Variants in SYNE1 observed in about 807,000 individuals in gnomAD.
The protein encoded by SYNE1 is nesprin-1.
In SYNE1, 616 loss-of-function variants were observed where a neutral mutation model predicts 1,111.0. That is an observed-to-expected ratio of 0.55 (90% confidence interval 0.52 to 0.59). The LOEUF (loss-of-function observed/expected upper bound fraction) is 0.59. SYNE1 is among the 20% of genes least tolerant of loss of function. SYNE1 has a pLI of 0.00. For synonymous variants in SYNE1, 3,855 were observed against 3,825.8 expected, an observed-to-expected ratio of 1.01 and a Z score of -0.28; for missense variants, 10,006 against 10,417.0, an observed-to-expected ratio of 0.96 and a Z score of 1.72.
chr6:152,446,388 A>C (rs1229602341), intron 29 of SYNE1, among the ~76,000 whole-genome samples: 2 of 152,136 alleles, frequency 1.3e-5, no homozygotes, highest in Admixed American at 1.3e-4. Flanking sequence ...ATTTGTCAAA[A>C]ACTCATAGGG....
rs376339656 is a variant in SYNE1 at position 152,278,776 on chromosome 6, G to GT, written c.18382-497dup. Among the ~76,000 whole-genome samples the GT allele has an allele frequency of 4.5e-3, 676 of 148,768 alleles. 1 individual carries two copies. The highest frequency in any genetic ancestry group is 0.014 in the Middle Eastern group (4 of 282). On this transcript the variant is annotated intron_variant, in intron 97 of 145. Transcript: ENST00000367255. ...CTGCACCTGGCCCTTTTTTGTTTTT[G>GT]TTTTTTTTTGAGGGAGGGTCTTGTT...
chr6:152,179,454 G>C (rs1258862546), intron 129 of SYNE1: 1 of 148,622 alleles, frequency 6.7e-6, no homozygotes, highest in African/African-American at 2.5e-5. Context: ...TTTCTCTCTA[G>C]TGGCTTTACC....
intron 115 of SYNE1, among the ~76,000 whole-genome samples, chr6:152,229,864 C>T (rs962962331): frequency 2.6e-5 from 4 of 151,896 alleles, no homozygotes; most frequent in South Asian, 2.1e-4. Flanking sequence ...TAGGATTATG[C>T]GTTGAACATA....
At chr6:152,449,937 G>A (rs1056963063) in intron 27 of SYNE1, among the ~76,000 whole-genome samples, 3 of 152,188 alleles carry the variant, frequency 2.0e-5, no homozygotes, top group Non-Finnish European at 4.4e-5. Flanking sequence ...GTCTGGCCTC[G>A]TGTGTCCCCA....
chr6:152,629,258 C>T (rs2099692729), intron 2 of SYNE1, among the ~76,000 whole-genome samples: 1 of 151,956 alleles, frequency 6.6e-6, no homozygotes, highest in Admixed American at 6.6e-5. Flanking sequence ...GTCATCCAGG[C>T]TGGGGTACAG....
chr6:152,255,437 C>T (rs374468937), intron 103 of SYNE1, among the ~76,000 whole-genome samples, 154 bp downstream of exon 103: 4 of 152,108 alleles, frequency 2.6e-5, no homozygotes, highest in Non-Finnish European at 5.9e-5. Context: ...AATGAAAATG[C>T]GAACTATAAA....
At chr6:152,402,031 T>G (rs556061083) in intron 46 of SYNE1, among the ~76,000 whole-genome samples, 1 of 152,340 alleles carries the variant, frequency 6.6e-6, no homozygotes, top group African/African-American at 2.4e-5. Flanking sequence ...ACCAACAGTG[T>G]GGAAGGGAGT....
chr6:152,622,645 A>AT (rs1003858288), intron 3 of SYNE1, among the ~76,000 whole-genome samples: 1 of 152,036 alleles, frequency 6.6e-6, no homozygotes, highest in Non-Finnish European at 1.5e-5. Context: ...TATGTACCAC[A>AT]TTTTTTTGTG....
In SYNE1 at chr6:152,179,030, C is replaced by T. The variant is rs12203474; in HGVS notation, c.23460+1106G>A. Among the ~76,000 whole-genome samples, 596 of 150,998 alleles carry T rather than the reference C, an allele frequency of 3.9e-3. 1 individual carries two copies. The highest frequency in any genetic ancestry group is 6.7e-3 in the Non-Finnish European group (455 of 67,880). On this transcript the variant is annotated intron_variant, in intron 129 of 145. Coordinates refer to ENST00000367255, the MANE Select transcript of SYNE1 (RefSeq NM_182961.4). Reference sequence around the variant, plus strand: ...CTGGGTTCAAGTGATTCTCTTGCCTCGGCCTCCTGAGTAGCCAGGACTACA... The same window carrying T: ...CTGGGTTCAAGTGATTCTCTTGCCTTGGCCTCCTGAGTAGCCAGGACTACA...
At chr6:152,253,550 A>T (rs1240679945) in intron 104 of SYNE1, among the ~76,000 whole-genome samples, 1 of 152,222 alleles carries the variant, frequency 6.6e-6, no homozygotes, top group East Asian at 1.9e-4. Flanking sequence ...ATTTGAACCC[A>T]GACTGTTAGC....
intron 142 of SYNE1, 115 bp downstream of exon 142, chr6:152,134,989 T>C: frequency 6.9e-7 from 1 of 1,443,666 alleles, no homozygotes; most frequent in Non-Finnish European, 9.6e-7. Flanking sequence ...GTAGAGACTA[T>C]AATGCAAAAA....
chr6:152,406,167 G>C (rs905714338), intron 45 of SYNE1, among the ~76,000 whole-genome samples: 1 of 152,100 alleles, frequency 6.6e-6, no homozygotes, highest in Non-Finnish European at 1.5e-5. Context: ...AAGTGAATTG[G>C]TGACTAGAAC....
At chr6:152,156,523 T>C (rs1417594251) in intron 131 of SYNE1, among the ~76,000 whole-genome samples, 1 of 152,242 alleles carries the variant, frequency 6.6e-6, no homozygotes, top group African/African-American at 2.4e-5. Flanking sequence ...GTCCTTGATA[T>C]TGAATGCTGT....
In SYNE1 at chr6:152,323,688, C is replaced by A; in HGVS notation, c.15707G>T (p.Gly5236Val). The stretch of plus-strand genomic sequence containing the variant: ...TTTCGATGCTTTCTCTGCTGAACTT[C>A]CAGGTAACTTATCTTGCAGCTGATC... ...MIDQLQDKLPGSSAEKASKAE... is the reference protein window; with the variant it reads ...MIDQLQDKLPVSSAEKASKAE... The change falls in exon 82 of 146, where the codon GGA (glycine) becomes GTA (valine). Residue 5236 changes from glycine (G) to valine (V), a missense_variant. Gly to Val is a moderately radical substitution (Grantham distance 109, BLOSUM62 -3). Coordinates refer to ENST00000367255, the MANE Select transcript of SYNE1 (RefSeq NM_182961.4). 6.2e-7 allele frequency: 1 copy of A among 1,614,206 alleles called. No homozygotes were observed. The highest frequency in any genetic ancestry group is 8.5e-7 in the Non-Finnish European group (1 of 1,180,030).
At position 152,211,501 on chromosome 6, in the gene SYNE1, C is replaced by T. The variant is rs2153424427; in HGVS notation, c.22582G>A (p.Asp7528Asn). The T allele has an allele frequency of 2.5e-6, 4 of 1,613,246 alleles. No homozygotes were observed. Among genetic ancestry groups the T allele is most frequent in the Non-Finnish European group, 3.4e-6 (4 of 1,179,348 alleles). The stretch of plus-strand genomic sequence containing the variant: ...ATTTATCAAAGATCCTACCTGTCAT[C>T]AACTTGACCTTGTTCTAGAAGACGT... ...GQRLLEQGQVDDRDEFNLKLT... is the reference protein window; with the variant it reads ...GQRLLEQGQVNDRDEFNLKLT... Residue 7528 changes from aspartate (D) to asparagine (N), a missense_variant, in exon 124 of 146, where the codon GAT becomes AAT. Physicochemically the swap from Asp to Asn is conservative, Grantham distance 23 (BLOSUM62 1). Coordinates refer to ENST00000367255, the MANE Select transcript of SYNE1 (RefSeq NM_182961.4).
intron 55 of SYNE1, among the ~76,000 whole-genome samples, chr6:152,382,462 T>C (rs1471474371): frequency 6.6e-6 from 1 of 152,168 alleles, no homozygotes; most frequent in Non-Finnish European, 1.5e-5. Flanking sequence ...TAAATATATC[T>C]GTTCATAATT....
chr6:152,406,457 G>C, intron 45 of SYNE1, among the ~76,000 whole-genome samples: 1 of 148,960 alleles, frequency 6.7e-6, no homozygotes. Context: ...GATTTAAAGA[G>C]CCCTAAATAA....
chr6:152,370,519 A>G (rs1157830453), intron 59 of SYNE1, among the ~76,000 whole-genome samples: 1 of 152,236 alleles, frequency 6.6e-6, no homozygotes, highest in African/African-American at 2.4e-5. Context: ...ATCACATAAG[A>G]ATGTCATAAT....
chr6:152,176,581 A>G, intron 129 of SYNE1, 21 bp from the exon 130 acceptor site: 1 of 1,612,786 alleles, frequency 6.2e-7, no homozygotes. Flanking sequence ...AATAGCAATC[A>G]CAGAGGTCAG....
Sources: allele counts gnomAD v4.1 joint callset (sites outside exome capture counted in the v4.1 genomes callset), GRCh38; gene constraint gnomAD v4.1.1; transcripts MANE v1.5; gene names NCBI Gene and HGNC (gene_info 2026-07-23, HGNC 2026-07-21).